Variants in CTSS observed in about 807,000 individuals in gnomAD.
CTSS encodes the protein cathepsin S.
In CTSS, 15 loss-of-function variants were observed where a neutral mutation model predicts 39.9. The ratio of observed to expected loss-of-function variants is 0.38; its 90% CI spans 0.25 to 0.58. The LOEUF is 0.58. CTSS is among the 20% of genes least tolerant of loss of function. The pLI is 0.70. For missense variants in CTSS, 250 were observed against 398.2 expected, an observed-to-expected ratio of 0.63 and a Z score of 3.17; for synonymous variants, 126 against 138.2, an observed-to-expected ratio of 0.91 and a Z score of 0.62.
chr1:150,741,241 T>C (rs1041158324), intron 7 of CTSS, among the ~76,000 whole-genome samples: 2 of 151,810 alleles, frequency 1.3e-5, no homozygotes, highest in East Asian at 3.9e-4. Flanking sequence ...CAAGTGATCC[T>C]CCTGCCTTGG....
intron 7 of CTSS, among the ~76,000 whole-genome samples, chr1:150,743,072 C>T (rs1413091164): frequency 6.6e-6 from 1 of 152,002 alleles, no homozygotes; most frequent in Non-Finnish European, 1.5e-5. Flanking sequence ...ATAGTTGAAA[C>T]TGAAGGAGCA....
intron 7 of CTSS, among the ~76,000 whole-genome samples, chr1:150,735,429 G>A (rs1406144146): frequency 6.6e-6 from 1 of 152,008 alleles, no homozygotes; most frequent in Non-Finnish European, 1.5e-5. Context: ...TCTCTCTCTG[G>A]TCAGTCCTTC....
At chr1:150,758,942 G>A (rs587724965) in intron 2 of CTSS, among the ~76,000 whole-genome samples, 1 of 150,122 alleles carries the variant, frequency 6.7e-6, no homozygotes, top group Admixed American at 6.7e-5. Context: ...TCAAACTCTT[G>A]GGCTCAAACT....
At chr1:150,739,904 A>G (rs916749247) in intron 7 of CTSS, among the ~76,000 whole-genome samples, 1 of 150,930 alleles carries the variant, frequency 6.6e-6, no homozygotes, top group African/African-American at 2.4e-5. Context: ...AAGTTCTTCT[A>G]TGCCTCCAGT....
intron 1 of CTSS, 130 bp from the exon 2 acceptor site, chr1:150,764,894 G>T (rs1653340452): frequency 1.9e-6 from 2 of 1,072,912 alleles, no homozygotes; most frequent in Non-Finnish European, 2.7e-6. Context: ...GAATTATACA[G>T]GAAAATTCCT....
At chr1:150,747,909 A>C in intron 6 of CTSS, 30 bp from the exon 7 acceptor site, 4 of 1,387,790 alleles carry the variant, frequency 2.9e-6, no homozygotes, top group Non-Finnish European at 4.1e-6. Context: ...GGGAAAAAAG[A>C]GTGAATACTA....
At chr1:150,741,109 C>T (rs1248074978) in intron 7 of CTSS, among the ~76,000 whole-genome samples, 2 of 152,074 alleles carry the variant, frequency 1.3e-5, no homozygotes, top group Non-Finnish European at 2.9e-5. Flanking sequence ...TCAAAAAATC[C>T]TCCTACCTCA....
intron 6 of CTSS, among the ~76,000 whole-genome samples, chr1:150,749,600 T>TTGCCC (rs587632563): frequency 0.083 from 1,056 of 12,732 alleles, 11 homozygotes; most frequent in Non-Finnish European, 0.1. Flanking sequence ...CCGCCCCACC[T>TTGCCC]TGCCCTGCCC....
intron 7 of CTSS, among the ~76,000 whole-genome samples, chr1:150,742,497 T>G (rs1209724168): frequency 6.6e-6 from 1 of 152,124 alleles, no homozygotes; most frequent in African/African-American, 2.4e-5. Context: ...AAGAAATGTC[T>G]AAGGTTATGT....
intron 7 of CTSS, among the ~76,000 whole-genome samples, chr1:150,738,923 G>A (rs1462731339): frequency 7.9e-5 from 12 of 151,820 alleles, no homozygotes; most frequent in Admixed American, 3.9e-4. Context: ...GGCCAGGTGC[G>A]GTGGCTCACG....
chr1:150,762,785 G>T (rs1360271666), intron 2 of CTSS, among the ~76,000 whole-genome samples: 2 of 152,164 alleles, frequency 1.3e-5, no homozygotes, highest in Non-Finnish European at 2.9e-5. Flanking sequence ...TGTTGGTGAG[G>T]ATGTGGAGAA....
chr1:150,756,708 C>CTTTTTTTTTTTTTTT (rs72242218), intron 3 of CTSS, among the ~76,000 whole-genome samples: 7 of 131,174 alleles, frequency 5.3e-5, no homozygotes, highest in East Asian at 2.2e-4. Flanking sequence ...TTCTTTCTTT[C>CTTTTTTTTTTTTTTT]TTTTTTTTTT....
At chr1:150,735,884 GT>G (rs1422509822) in intron 7 of CTSS, among the ~76,000 whole-genome samples, 1 of 151,484 alleles carries the variant, frequency 6.6e-6, no homozygotes, top group Non-Finnish European at 1.5e-5. Flanking sequence ...AGCCTCCTCA[GT>G]AGCTGGAATT....
chr1:150,737,944 A>C (rs1652669172), intron 7 of CTSS, among the ~76,000 whole-genome samples: 1 of 152,184 alleles, frequency 6.6e-6, no homozygotes, highest in Middle Eastern at 3.2e-3. Context: ...AATAGCCAAA[A>C]GGCTAATGTG....
At chr1:150,752,193 T>C (rs1357297127) in intron 4 of CTSS, among the ~76,000 whole-genome samples, 185 bp from the exon 5 acceptor site, 2 of 152,202 alleles carry the variant, frequency 1.3e-5, no homozygotes, top group African/African-American at 4.8e-5. Context: ...TCAATTGTTA[T>C]CTAGGCAAGG....
rs1450410408 is a variant in CTSS at position 150,730,968 on chromosome 1, C to A, written c.*2078G>T. ...CCTTTGTAATCCTATATATTTTATGCATTTAAAAACATGATTTTAAGAAGG... is the reference window on the plus strand; with the variant it reads ...CCTTTGTAATCCTATATATTTTATGAATTTAAAAACATGATTTTAAGAAGG... On this transcript the variant is annotated 3_prime_UTR_variant, in exon 8 of 8. Transcript: ENST00000368985. The A allele has an allele frequency of 3.3e-5, 5 of 152,060 alleles. No individual in the cohort carries two copies. The highest frequency in any genetic ancestry group is 1.2e-4 in the African/African-American group (5 of 41,408). 9.4% of individuals were successfully genotyped at this position (152,060 alleles called of 1,614,324 possible).
chr1:150,754,434 T>TA (rs1327180150), intron 4 of CTSS, among the ~76,000 whole-genome samples: 6 of 149,994 alleles, frequency 4.0e-5, no homozygotes, highest in African/African-American at 1.5e-4. Context: ...CTTTACCTTT[T>TA]TTTTTTTTTT....
chr1:150,752,024 G>C lies in CTSS; in HGVS notation c.400-16C>G. On this transcript the variant is annotated splice_polypyrimidine_tract_variant and intron_variant, in intron 4 of 7. Transcript: ENST00000368985. ...CACAAGAACCCTAAAACAGATACAA[G>C]GTCACAAACGCAAATCACAGAAAAT... is the stretch of plus-strand genomic sequence containing the variant. 1.2e-6 allele frequency: 2 copies of C among 1,611,442 alleles called. No homozygotes were observed. Among genetic ancestry groups the C allele is most frequent in the Non-Finnish European group, 1.7e-6 (2 of 1,178,138 alleles).
intron 3 of CTSS, among the ~76,000 whole-genome samples, chr1:150,757,636 T>C (rs1653160660): frequency 6.6e-6 from 1 of 152,110 alleles, no homozygotes; most frequent in Admixed American, 6.6e-5. Context: ...GAGTTTAAAA[T>C]TTCCTCTAAA....
Sources: allele counts gnomAD v4.1 joint callset (sites outside exome capture counted in the v4.1 genomes callset), GRCh38; gene constraint gnomAD v4.1.1; transcripts MANE v1.5; gene names NCBI Gene and HGNC (gene_info 2026-07-23, HGNC 2026-07-21).